Variants in SPPL2B observed in about 807,000 individuals in gnomAD.
The protein encoded by SPPL2B is signal peptide peptidase like 2B.
In SPPL2B, 39 loss-of-function variants were observed where a neutral mutation model predicts 59.7. The ratio of observed to expected loss-of-function variants is 0.65; its 90% CI spans 0.51 to 0.85. The LOEUF is 0.85. Among genes scored for constraint, SPPL2B ranks in the 40% least tolerant of loss-of-function variants. The pLI is 0.00. For synonymous variants in SPPL2B, 419 were observed against 370.8 expected (o/e 1.13, Z -1.49); for missense variants, 865 against 849.0 (o/e 1.02, Z -0.23).
chr19:2,349,036 C>G (rs1969707312), intron 13 of SPPL2B, among the ~76,000 whole-genome samples: 1 of 151,808 alleles, frequency 6.6e-6, no homozygotes, highest in Admixed American at 6.6e-5. Flanking sequence ...TCTCTCCACA[C>G]ACACTCACGC....
rs904811956 is a variant in SPPL2B, at chr19:2,332,245, G to A, written c.67-2357G>A. Among the ~76,000 whole-genome samples, 5 of 152,174 alleles carry A rather than the reference G, an allele frequency of 3.3e-5. No homozygotes were observed. The highest frequency in any genetic ancestry group is 5.9e-5 in the Non-Finnish European group (4 of 68,018). On this transcript the variant is annotated intron_variant, in intron 1 of 14. Coordinates refer to ENST00000613503, the MANE Select transcript of SPPL2B (RefSeq NM_152988.3). This position sits in a 1 kb window ranked among gnomAD's most constrained non-coding sequence, Gnocchi z 4.6. Reference sequence around the variant, plus strand: ...TGGGCTTTCACCATGCTGCCACCCCGAGGTCACCAGGGCCTTGACCCAGAT... The same window carrying A: ...TGGGCTTTCACCATGCTGCCACCCCAAGGTCACCAGGGCCTTGACCCAGAT...
chr19:2,337,493 C>T lies in SPPL2B; in HGVS notation c.237C>T (p.Ala79=), dbSNP rs753224134. Residue 79 remains alanine (A), a synonymous_variant, in exon 3 of 15, where the codon GCC becomes GCT. Coordinates refer to ENST00000613503, the MANE Select transcript of SPPL2B (RefSeq NM_152988.3). ...NWTASLLCSA[A]DLPARGFSNQ... ...CGGCCTCCCTGCTCTGCTCCGCAGC[C>T]GACCTCCCCGCCCGTGGCTTCAGCA... 22 of 1,613,016 alleles carry T rather than the reference C, an allele frequency of 1.4e-5. No individual in the cohort carries two copies. In the Admixed American group the frequency reaches 2.2e-4, roughly 16 times the overall value.
At chr19:2,350,327 C>CT (rs1969847421) in intron 13 of SPPL2B, among the ~76,000 whole-genome samples, 1 of 75,054 alleles carries the variant, frequency 1.3e-5, no homozygotes, top group Non-Finnish European at 2.8e-5. Context: ...GTTCTCTCTC[C>CT]ACACACACAC....
In SPPL2B at chr19:2,353,495, G is replaced by A. The variant is rs1473177857; in HGVS notation, c.*286G>A. On this transcript the variant is annotated 3_prime_UTR_variant, in exon 15 of 15. Transcript: ENST00000613503. ...GGGTCCGTCCTCGCAGGCCCTGCCC[G>A]GCCTCTCTGCAGACCCTCAAGCGTC... 1.7e-5 allele frequency: 8 copies of A among 459,406 alleles called. No individual in the cohort carries two copies. The highest frequency in any genetic ancestry group is 6.3e-5 in the African/African-American group (3 of 47,922). The allele number at this position is 459,406 out of a possible 1,614,324, so 28.5% of individuals were successfully genotyped here.
At position 2,334,600 on chromosome 19, in the gene SPPL2B, A is replaced by C. The variant is rs1252661831; in HGVS notation, c.67-2A>C. On this transcript the variant is annotated splice_acceptor_variant, in intron 1 of 14. Coordinates refer to ENST00000613503, the MANE Select transcript of SPPL2B (RefSeq NM_152988.3). LOFTEE classifies it high-confidence loss of function. Reference sequence around the variant, plus strand: ...GCTCTGACTGCTGGCCTTGTCCTGCAGGTGGCCTGTGAGTACGGCATGGTG... The same window carrying C: ...GCTCTGACTGCTGGCCTTGTCCTGCCGGTGGCCTGTGAGTACGGCATGGTG... The C allele has an allele frequency of 2.5e-6, 4 of 1,608,840 alleles. No homozygotes were observed. The highest frequency in any genetic ancestry group is 3.4e-6 in the Non-Finnish European group (4 of 1,177,950).
intron 8 of SPPL2B, chr19:2,342,920 C>T (rs1041426006): frequency 2.2e-5 from 9 of 417,740 alleles, no homozygotes; most frequent in African/African-American, 8.0e-5. Context: ...ACCGAGGAGA[C>T]GCAGCCGGCC....
chr19:2,340,903 C>G lies in SPPL2B; in HGVS notation c.845C>G (p.Pro282Arg), dbSNP rs749775410. The G allele has an allele frequency of 3.7e-5, 59 of 1,589,570 alleles. No individual in the cohort carries two copies. Among genetic ancestry groups the G allele is most frequent in the Non-Finnish European group, 4.5e-5 (53 of 1,173,082 alleles). Residue 282 changes from proline to arginine, a missense_variant, in exon 8 of 15, where the codon CCC becomes CGC. By Grantham distance (103) the Pro-to-Arg change is moderately radical. Transcript: ENST00000613503. ...RRLPFGKCRI[P>R]NNSLPYFHKR... is the part of the protein sequence containing the mutation. ...GACTGCCCCGTGCCCCCCAGGATCC[C>G]CAACAACAGCCTGCCCTACTTCCAC...
chr19:2,343,348 C>T (rs1437417490), intron 9 of SPPL2B, 56 bp downstream of exon 9: 1 of 1,397,786 alleles, frequency 7.2e-7, no homozygotes, highest in Non-Finnish European at 9.9e-7. Flanking sequence ...GGCCCTTCAT[C>T]CTAGCCTGGC....
intron 7 of SPPL2B, 76 bp downstream of exon 7, chr19:2,340,248 C>A (rs1333519234): frequency 1.4e-4 from 161 of 1,145,050 alleles, no homozygotes; most frequent in Non-Finnish European, 1.9e-4. Context: ...GCCCCATAGC[C>A]CCCCATGGTG....
In SPPL2B at chr19:2,334,737, C is replaced by A; in HGVS notation, c.186+16C>A. 1 of 1,557,020 alleles carries A rather than the reference C, an allele frequency of 6.4e-7. No individual in the cohort carries two copies. On this transcript the variant is annotated intron_variant, in intron 2 of 14. Coordinates refer to ENST00000613503, the MANE Select transcript of SPPL2B (RefSeq NM_152988.3). ...CAGCAAGGCAGTGAGTACCCGCTGG[C>A]CGGGCGCCGCTGCGGAGGAGAATGC...
chr19:2,341,675 G>A (rs1445893857), intron 8 of SPPL2B: 1 of 434,582 alleles, frequency 2.3e-6, no homozygotes, highest in Non-Finnish European at 4.8e-6. Context: ...GGTGTGTATT[G>A]GAGCCACGGC....
chr19:2,336,647 G>T (rs1273584722), intron 2 of SPPL2B, among the ~76,000 whole-genome samples: 1 of 151,928 alleles, frequency 6.6e-6, no homozygotes, highest in African/African-American at 2.4e-5. Flanking sequence ...GTGTGTGCGT[G>T]TGTGTGTGCA....
chr19:2,340,608 G>A (rs1968972272), intron 7 of SPPL2B: 1 of 551,926 alleles, frequency 1.8e-6, no homozygotes, highest in South Asian at 2.0e-5. Flanking sequence ...GCCGTCCCTG[G>A]GTGAGGAGGT....
At position 2,334,736 on chromosome 19, in the gene SPPL2B, G is replaced by T. The variant is rs1451781267; in HGVS notation, c.186+15G>T. The T allele has an allele frequency of 1.9e-6, 3 of 1,558,434 alleles. No homozygotes were observed. The highest frequency in any genetic ancestry group is 1.7e-6 in the Non-Finnish European group (2 of 1,152,168). ...TCAGCAAGGCAGTGAGTACCCGCTG[G>T]CCGGGCGCCGCTGCGGAGGAGAATG... On this transcript the variant is annotated intron_variant, in intron 2 of 14. Coordinates refer to ENST00000613503, the MANE Select transcript of SPPL2B (RefSeq NM_152988.3).
intron 13 of SPPL2B, among the ~76,000 whole-genome samples, chr19:2,350,706 G>A (rs769147729): frequency 2.6e-5 from 4 of 152,254 alleles, no homozygotes; most frequent in African/African-American, 7.2e-5. Context: ...CATTGCCTGC[G>A]GCGACATCAC....
At chr19:2,343,779 G>A (rs1452455151) in intron 9 of SPPL2B, among the ~76,000 whole-genome samples, 186 bp from the exon 10 acceptor site, 1 of 152,116 alleles carries the variant, frequency 6.6e-6, no homozygotes, top group Non-Finnish European at 1.5e-5. Flanking sequence ...CCTGACTTTT[G>A]CCCGTAAATC....
intron 1 of SPPL2B, among the ~76,000 whole-genome samples, chr19:2,333,499 T>G (rs1376258328): frequency 1.3e-5 from 2 of 152,208 alleles, no homozygotes; most frequent in Admixed American, 6.5e-5. Context: ...CATAGCTCCA[T>G]CCTGCTCTGT....
At position 2,328,775 on chromosome 19, in the gene SPPL2B, G is replaced by C. The variant is rs57675648; in HGVS notation, c.66G>C (p.Gln22His). The part of the protein sequence containing the change: ...LLAAFLLLAA[Q>H]VACEYGMVHV... ...CGGCCTTTCTGCTCCTCGCGGCCCA[G>C]GTGAGCGCGGCACCGGTCCCGACGG... is the stretch of plus-strand genomic sequence containing the variant. Residue 22 changes from glutamine to histidine, a missense_variant and splice_region_variant, in exon 1 of 15, where the codon CAG becomes CAC. By Grantham distance (24) the Gln-to-His change is conservative. Coordinates refer to ENST00000613503, the MANE Select transcript of SPPL2B (RefSeq NM_152988.3). 2.1e-6 allele frequency: 3 copies of C among 1,443,832 alleles called. No homozygotes were observed. Among genetic ancestry groups the C allele is most frequent in the Non-Finnish European group, 2.7e-6 (3 of 1,106,476 alleles). 89.4% of individuals were successfully genotyped at this position (1,443,832 alleles called of 1,614,324 possible).
intron 1 of SPPL2B, chr19:2,330,709 G>A (rs1484146643): frequency 1.3e-5 from 2 of 152,678 alleles, no homozygotes; most frequent in Admixed American, 6.5e-5. Flanking sequence ...CCCAGGCAGA[G>A]AGTGAAGGCA....
Sources: gnomAD v4.1 joint callset for allele counts (sites outside exome capture counted in the v4.1 genomes callset) on GRCh38, gnomAD v4.1.1 for gene constraint, Gnocchi (gnomAD v3.1) non-coding constraint, MANE v1.5 for transcripts, NCBI Gene and HGNC (gene_info 2026-07-23, HGNC 2026-07-21) for gene names.